SORCS1: variants seen among roughly 807,000 people sequenced by gnomAD.
The protein encoded by SORCS1 is VPS10 domain-containing receptor SorCS1.
A neutral mutation model predicts 146.1 loss-of-function variants in SORCS1; 60 were observed. That is an observed-to-expected ratio of 0.41 (90% CI 0.33 to 0.51). The LOEUF (loss-of-function observed/expected upper bound fraction) is 0.51. Ranked by LOEUF, SORCS1 falls within the 20% of genes least tolerant of loss-of-function variation. The probability of loss-of-function intolerance (pLI) is 0.21; values close to 1 mark genes in which losing one functional copy is unlikely to be tolerated. For missense variants in SORCS1, 1,352 were observed against 1,487.6 expected, an observed-to-expected ratio of 0.91 and a Z score of 1.50; for synonymous variants, 637 against 584.0, an observed-to-expected ratio of 1.09 and a Z score of -1.31.
chr10:106,759,464 A>G (rs1858911723), intron 5 of SORCS1, among the ~76,000 whole-genome samples: 1 of 152,264 alleles, frequency 6.6e-6, no homozygotes, highest in Non-Finnish European at 1.5e-5. Flanking sequence ...AGGGTAAGGT[A>G]GAATCACGTC....
chr10:107,078,232 G>T (rs74154847), intron 1 of SORCS1, among the ~76,000 whole-genome samples: 3,326 of 152,168 alleles, frequency 0.022, 111 homozygotes, highest in African/African-American at 0.075. Flanking sequence ...CTAAGACCAC[G>T]GTGTTAAATA....
chr10:107,032,594 C>T (rs115316342), intron 1 of SORCS1, among the ~76,000 whole-genome samples: 2,329 of 152,274 alleles, frequency 0.015, 63 homozygotes, highest in African/African-American at 0.053. Context: ...AGCTGAGTCA[C>T]TTGCTATAAA....
intron 23 of SORCS1, among the ~76,000 whole-genome samples, chr10:106,606,218 A>C (rs1324400212): frequency 6.6e-6 from 1 of 152,036 alleles, no homozygotes; most frequent in Non-Finnish European, 1.5e-5. Context: ...AAGGGAAGAA[A>C]AAAGAAGACT....
At chr10:106,654,437 C>G (rs1165536297) in intron 17 of SORCS1, among the ~76,000 whole-genome samples, 1 of 152,152 alleles carries the variant, frequency 6.6e-6, no homozygotes, top group Non-Finnish European at 1.5e-5. Flanking sequence ...GATTATCCCT[C>G]CTCTAAACCC....
chr10:106,600,565 A>G, intron 23 of SORCS1: 2 of 985,328 alleles, frequency 2.0e-6, no homozygotes, highest in South Asian at 9.4e-5. Flanking sequence ...TTTATCCTGT[A>G]TTTTTTCAAA....
At chr10:106,768,408 T>A (rs922081658) in intron 4 of SORCS1, among the ~76,000 whole-genome samples, 1 of 152,236 alleles carries the variant, frequency 6.6e-6, no homozygotes, top group Non-Finnish European at 1.5e-5. Flanking sequence ...CCTAAGTGTT[T>A]GTGCTTGTGC....
At chr10:107,088,108 CG>C (rs1303239484) in intron 1 of SORCS1, among the ~76,000 whole-genome samples, 3 of 73,266 alleles carry the variant, frequency 4.1e-5, no homozygotes, top group African/African-American at 1.6e-4. Flanking sequence ...TTACTAGAGA[CG>C]GGGTTTCACC....
At position 106,996,883 on chromosome 10, in the gene SORCS1, G is replaced by GT. The variant is rs372666543; in HGVS notation, c.559-40304dup. 1.4e-3 allele frequency among the ~76,000 whole-genome samples: 209 copies of GT among 150,950 alleles called. No homozygotes were observed. In the East Asian group the frequency reaches 0.015, roughly 11 times the overall value. Reference sequence around the variant, plus strand: ...CTTGCAGTTATAAAGTAATATCCATGTTTTTTTTTCTAAAAATGAAAGGAA... The same window carrying GT: ...CTTGCAGTTATAAAGTAATATCCATGTTTTTTTTTTCTAAAAATGAAAGGAA... On this transcript the variant is annotated intron_variant, in intron 1 of 25. Coordinates refer to ENST00000263054, the MANE Select transcript of SORCS1 (RefSeq NM_052918.5).
At position 106,577,316 on chromosome 10, in the gene SORCS1, A is replaced by T. The variant is rs762271593; in HGVS notation, c.*104T>A. On this transcript the variant is annotated 3_prime_UTR_variant, in exon 26 of 26. Coordinates refer to ENST00000263054, the MANE Select transcript of SORCS1 (RefSeq NM_052918.5). Reference sequence around the variant, plus strand: ...AAAATAGGAAACAGAACAACAAAGGAAAGAAAAAAAACACAAAGTTAGTGG... The same window carrying T: ...AAAATAGGAAACAGAACAACAAAGGTAAGAAAAAAAACACAAAGTTAGTGG... 5.0e-6 allele frequency: 8 copies of T among 1,607,986 alleles called. 1 individual carries two copies. The South Asian group carries it at 8.9e-5, about 18-fold the overall frequency.
intron 8 of SORCS1, among the ~76,000 whole-genome samples, chr10:106,706,170 A>G (rs1405287685): frequency 6.7e-6 from 1 of 149,726 alleles, no homozygotes; most frequent in Non-Finnish European, 1.5e-5. Flanking sequence ...ATGTTCCTAT[A>G]GCAACAATCT....
At chr10:106,663,818 G>C (rs1850920756) in intron 17 of SORCS1, among the ~76,000 whole-genome samples, 1 of 152,158 alleles carries the variant, frequency 6.6e-6, no homozygotes, top group South Asian at 2.1e-4. Context: ...AAAATGTGTA[G>C]CTTAGACAAC....
intron 1 of SORCS1, among the ~76,000 whole-genome samples, chr10:107,023,758 T>A (rs2133885611): frequency 6.6e-6 from 1 of 152,210 alleles, no homozygotes; most frequent in East Asian, 1.9e-4. Context: ...AAATTTCAAA[T>A]ATTTACAAAT....
chr10:106,795,018 T>A (rs1374296832), intron 3 of SORCS1, among the ~76,000 whole-genome samples: 2 of 152,206 alleles, frequency 1.3e-5, no homozygotes, highest in Non-Finnish European at 2.9e-5. Context: ...TCTATAGCTA[T>A]GAAATGAGGC....
intron 2 of SORCS1, among the ~76,000 whole-genome samples, chr10:106,850,070 T>G (rs11193077): frequency 6.6e-6 from 1 of 151,698 alleles, no homozygotes; most frequent in East Asian, 2.0e-4. Context: ...AGAGGTGGAG[T>G]GTACAGAGGC....
chr10:106,595,746 C>T (rs1845868914), intron 24 of SORCS1, among the ~76,000 whole-genome samples: 1 of 152,166 alleles, frequency 6.6e-6, no homozygotes, highest in Non-Finnish European at 1.5e-5. Context: ...CTCATTTACT[C>T]AGCATCCCCA....
intron 18 of SORCS1, among the ~76,000 whole-genome samples, chr10:106,642,630 T>C (rs1649474070): frequency 6.6e-6 from 1 of 152,216 alleles, no homozygotes; most frequent in Non-Finnish European, 1.5e-5. Context: ...TAAAAAATAT[T>C]ATGGCTTAAT....
intron 24 of SORCS1, among the ~76,000 whole-genome samples, chr10:106,590,684 T>G (rs968720757): frequency 1.3e-5 from 2 of 152,190 alleles, no homozygotes; most frequent in African/African-American, 2.4e-5. Context: ...AGATGGAGTC[T>G]TGCTCTGTTG....
At chr10:107,046,357 C>T (rs181412040) in intron 1 of SORCS1, among the ~76,000 whole-genome samples, 26 of 152,028 alleles carry the variant, frequency 1.7e-4, no homozygotes, top group South Asian at 6.2e-4. Context: ...CAGGCATGAG[C>T]GACTGTATGT....
chr10:107,093,214 A>G (rs1274126848), intron 1 of SORCS1, among the ~76,000 whole-genome samples: 1 of 152,152 alleles, frequency 6.6e-6, no homozygotes, highest in East Asian at 1.9e-4. Flanking sequence ...TTCCACATAT[A>G]TGCCCAGCAC....
Sources: allele counts gnomAD v4.1 joint callset (sites outside exome capture counted in the v4.1 genomes callset), GRCh38; gene constraint gnomAD v4.1.1; transcripts MANE v1.5; gene names NCBI Gene and HGNC (gene_info 2026-07-23, HGNC 2026-07-21).